Variants in NLGN1 observed in about 807,000 individuals in gnomAD.
NLGN1 encodes the protein neuroligin 1, also known as neuroligin-1.
Under a neutral mutation model 65.5 loss-of-function variants are expected in NLGN1, and 12 were observed. The ratio of observed to expected loss-of-function variants is 0.18; its 90% CI spans 0.12 to 0.30. NLGN1 has a LOEUF of 0.30. Ranked by LOEUF, NLGN1 falls within the 10% of genes least tolerant of loss-of-function variation. The pLI, the probability that NLGN1 is intolerant of heterozygous loss-of-function variation, is 1.00. For missense variants in NLGN1, 750 were observed against 1,007.1 expected (o/e 0.74, Z 3.46); for synonymous variants, 350 against 359.5 (o/e 0.97, Z 0.30).
intron 4 of NLGN1, among the ~76,000 whole-genome samples, chr3:174,255,941 G>A (rs917903553): frequency 6.6e-6 from 1 of 152,108 alleles, no homozygotes; most frequent in Admixed American, 6.6e-5. Flanking sequence ...TTACAGGCGT[G>A]AGCCACTGCT....
At chr3:173,777,235 C>T (rs1780433854) in intron 3 of NLGN1, among the ~76,000 whole-genome samples, 1 of 151,880 alleles carries the variant, frequency 6.6e-6, no homozygotes, top group Non-Finnish European at 1.5e-5. Context: ...TAAGTGTTAG[C>T]TTTACTAGTT....
chr3:173,968,411 T>C (rs1244865521), intron 4 of NLGN1, among the ~76,000 whole-genome samples: 1 of 152,148 alleles, frequency 6.6e-6, no homozygotes, highest in Admixed American at 6.5e-5. Flanking sequence ...TATCTGTATC[T>C]ATATTTATTT....
chr3:173,767,447 A>G (rs938802055), intron 3 of NLGN1, among the ~76,000 whole-genome samples: 1 of 152,066 alleles, frequency 6.6e-6, no homozygotes, highest in African/African-American at 2.4e-5. Context: ...TGGAAAGTAC[A>G]AAGATATTTA....
intron 2 of NLGN1, among the ~76,000 whole-genome samples, chr3:173,518,510 A>T (rs115861834): frequency 0.012 from 1,786 of 150,082 alleles, 29 homozygotes; most frequent in African/African-American, 0.039. Context: ...TGCATGTATT[A>T]TATATATATG....
intron 3 of NLGN1, among the ~76,000 whole-genome samples, chr3:173,733,607 A>G (rs9827080): frequency 0.021 from 3,154 of 152,194 alleles, 113 homozygotes; most frequent in African/African-American, 0.073. Context: ...GGTAAGATTC[A>G]AGGAGGTTCC....
At chr3:173,985,478 G>A (rs756833125) in intron 4 of NLGN1, among the ~76,000 whole-genome samples, 5 of 152,068 alleles carry the variant, frequency 3.3e-5, no homozygotes, top group Non-Finnish European at 5.9e-5. Context: ...CTAACAGAAA[G>A]CATTTTGGTT....
At chr3:173,872,469 A>G (rs796810227) in intron 4 of NLGN1, among the ~76,000 whole-genome samples, 61 of 152,274 alleles carry the variant, frequency 4.0e-4, no homozygotes, top group Middle Eastern at 3.4e-3. Flanking sequence ...GATTTTTCCA[A>G]TGATCTTGAC....
At chr3:173,878,457 A>G (rs1213250371) in intron 4 of NLGN1, among the ~76,000 whole-genome samples, 4 of 152,110 alleles carry the variant, frequency 2.6e-5, no homozygotes, top group Non-Finnish European at 5.9e-5. Flanking sequence ...AAAAAATTTA[A>G]TTCCTTGAAT....
intron 4 of NLGN1, among the ~76,000 whole-genome samples, chr3:174,017,374 T>C (rs1199850205): frequency 1.3e-5 from 2 of 152,194 alleles, no homozygotes; most frequent in Admixed American, 6.5e-5. Flanking sequence ...ATTGCTGAGA[T>C]GTGTATAGTA....
chr3:173,473,452 G>A (rs1725638862), intron 2 of NLGN1, among the ~76,000 whole-genome samples: 1 of 152,150 alleles, frequency 6.6e-6, no homozygotes, highest in African/African-American at 2.4e-5. Context: ...CAGAAAAGAT[G>A]TTTAGAATGA....
chr3:173,971,607 A>C (rs1008638503), intron 4 of NLGN1, among the ~76,000 whole-genome samples: 1 of 152,170 alleles, frequency 6.6e-6, no homozygotes, highest in East Asian at 1.9e-4. Context: ...AACACTGAGA[A>C]ACAGTATATA....
At chr3:173,418,983 T>G (rs1473230276) in intron 1 of NLGN1, among the ~76,000 whole-genome samples, 1 of 150,056 alleles carries the variant, frequency 6.7e-6, no homozygotes, top group African/African-American at 2.4e-5. Flanking sequence ...TTTTTTTTTT[T>G]GCAGTTTCCT....
At chr3:173,917,292 A>G (rs1475282646) in intron 4 of NLGN1, among the ~76,000 whole-genome samples, 1 of 152,190 alleles carries the variant, frequency 6.6e-6, no homozygotes, top group African/African-American at 2.4e-5. Flanking sequence ...TTGATACTTT[A>G]TCACGGGTAT....
chr3:173,894,233 C>A (rs571297782), intron 4 of NLGN1, among the ~76,000 whole-genome samples: 1 of 152,176 alleles, frequency 6.6e-6, no homozygotes, highest in South Asian at 2.1e-4. Flanking sequence ...TTAGTGTAGT[C>A]CTACTAGAGG....
At chr3:173,501,525 A>G (rs1033038460) in intron 2 of NLGN1, among the ~76,000 whole-genome samples, 5 of 152,078 alleles carry the variant, frequency 3.3e-5, no homozygotes, top group African/African-American at 4.8e-5. Flanking sequence ...ATTCTTTATC[A>G]TAATACAGTA....
chr3:174,011,390 T>G (rs1725519259), intron 4 of NLGN1, among the ~76,000 whole-genome samples: 1 of 152,212 alleles, frequency 6.6e-6, no homozygotes, highest in African/African-American at 2.4e-5. Flanking sequence ...TTCACATTAG[T>G]GAATGTGGCC....
At chr3:173,743,353 T>C (rs2150117014) in intron 3 of NLGN1, among the ~76,000 whole-genome samples, 1 of 152,266 alleles carries the variant, frequency 6.6e-6, no homozygotes, top group East Asian at 1.9e-4. Flanking sequence ...GTGAGAATGA[T>C]TTCGTAGTGA....
Position 173,449,948 on chromosome 3 carries a change from G to A in NLGN1, c.-321+14870G>A, listed in dbSNP as rs904021461. ...TCCTCCATTCCTTTATTTTGAGCCT[G>A]TGTGTGTCTCTGCACATGAGATGGG... is the stretch of plus-strand genomic sequence containing the variant. On this transcript the variant is annotated intron_variant, in intron 2 of 6. Coordinates refer to ENST00000457714, the Ensembl canonical transcript of NLGN1. Among the ~76,000 whole-genome samples, 247 of 152,140 alleles carry A rather than the reference G, an allele frequency of 1.6e-3. 1 individual carries two copies. Among genetic ancestry groups the A allele is most frequent in the African/African-American group, 5.5e-3 (229 of 41,518 alleles).
Position 174,279,575 on chromosome 3 carries a change from C to T in NLGN1, c.1574C>T (p.Pro525Leu), listed in dbSNP as rs752889815. 12 of 1,613,170 alleles carry T rather than the reference C, an allele frequency of 7.4e-6. No individual in the cohort carries two copies. Among genetic ancestry groups the T allele is most frequent in the East Asian group, 2.2e-5 (1 of 44,822 alleles). The stretch of plus-strand genomic sequence containing the variant: ...ATGATTGGCCCTACAGAGTTATTTC[C>T]TTGCAATTTCTCCAAAAATGATGTG... The change falls in exon 6 of 7, where the codon CCT becomes CTT. Residue 525 changes from proline to leucine, a missense_variant. Coordinates refer to ENST00000457714, the Ensembl canonical transcript of NLGN1. This position sits in a 1 kb window ranked among gnomAD's most constrained non-coding sequence, Gnocchi z 4.7.
Sources: gnomAD v4.1 joint callset for allele counts (sites outside exome capture counted in the v4.1 genomes callset) on GRCh38, gnomAD v4.1.1 for gene constraint, Gnocchi (gnomAD v3.1) non-coding constraint, MANE v1.5 for transcripts, NCBI Gene and HGNC (gene_info 2026-07-23, HGNC 2026-07-21) for gene names.